SLC25A3: variants seen among roughly 807,000 people sequenced by gnomAD.
SLC25A3 encodes the protein solute carrier family 25 member 3, also known as phosphate transport protein.
Under a neutral mutation model 37.1 loss-of-function variants are expected in SLC25A3, and 14 were observed. That is an observed-to-expected ratio of 0.38 (90% confidence interval 0.25 to 0.59). SLC25A3 has a LOEUF of 0.59. Ranked by LOEUF, SLC25A3 falls within the 20% of genes least tolerant of loss-of-function variation. SLC25A3 has a pLI of 0.67. For missense variants in SLC25A3, 385 were observed against 458.1 expected, an observed-to-expected ratio of 0.84 and a Z score of 1.46; for synonymous variants, 161 against 168.7, an observed-to-expected ratio of 0.95 and a Z score of 0.36.
rs758946085 is a variant in SLC25A3, at chr12:98,598,553, A to G, written c.491A>G (p.Tyr164Cys). Residue 164 changes from tyrosine to cysteine, a missense_variant, in exon 5 of 8, where the codon TAT becomes TGT. By Grantham distance (194) the Tyr-to-Cys change is radical (BLOSUM62 -2). This residue lies in a region of SLC25A3 where 276 missense variants were observed against 367.6 expected (regional missense o/e 0.75). Transcript: ENST00000552981. Reference sequence around the variant, plus strand: ...ACTTATCTCTGGCGCACATCACTATATTTGGCTGCCTCTGCCAGTGCTGAA... The same window carrying G: ...ACTTATCTCTGGCGCACATCACTATGTTTGGCTGCCTCTGCCAGTGCTGAA... ...ENTYLWRTSLYLAASASAEFF... is the reference protein window; with the variant it reads ...ENTYLWRTSLCLAASASAEFF... The G allele has an allele frequency of 3.7e-6, 6 of 1,613,278 alleles. No homozygotes were observed. The highest frequency in any genetic ancestry group is 5.1e-6 in the Non-Finnish European group (6 of 1,180,002).
At chr12:98,595,077 C>T (rs551923563) in intron 2 of SLC25A3, 54 of 275,746 alleles carry the variant, frequency 2.0e-4, no homozygotes, top group Non-Finnish European at 3.6e-4. Flanking sequence ...AAGTTGTTTG[C>T]AAGCCTTTTA....
chr12:98,599,601 T>G lies in SLC25A3; in HGVS notation c.642-354T>G, dbSNP rs983879162. The G allele has an allele frequency of 7.7e-6, 4 of 519,480 alleles. No homozygotes were observed. The African/African-American group carries it at 7.7e-5, about 10-fold the overall frequency. The allele number at this position is 519,480 out of a possible 1,614,324, so 32.2% of individuals were successfully genotyped here. A position where few individuals can be genotyped will look rare whatever the true frequency, so the allele number is the denominator to read the frequency against. ...TAGGGAGGGCTTGTTAGTATCCTTGTGATCTATTCACAGTTAAGAATTTCC... is the reference window on the plus strand; with the variant it reads ...TAGGGAGGGCTTGTTAGTATCCTTGGGATCTATTCACAGTTAAGAATTTCC... On this transcript the variant is annotated intron_variant, in intron 5 of 7. Transcript: ENST00000552981.
chr12:98,601,743 A>C lies in SLC25A3; in HGVS notation c.*215A>C. On this transcript the variant is annotated 3_prime_UTR_variant, in exon 8 of 8. Transcript: ENST00000552981. ...GACTTATTTTTAAAACTTTTTTAAA[A>C]AAGATTTAGCTTTAAAATAGTTGGA... 1 of 557,670 alleles carries C rather than the reference A, an allele frequency of 1.8e-6. No homozygotes were observed. The highest frequency in any genetic ancestry group is 3.2e-6 in the Non-Finnish European group (1 of 314,016). 34.5% of individuals were successfully genotyped at this position (557,670 alleles called of 1,614,324 possible).
At chr12:98,599,747 G>T in intron 5 of SLC25A3, 2 of 730,606 alleles carry the variant, frequency 2.7e-6, no homozygotes, top group Non-Finnish European at 5.0e-6. Flanking sequence ...AACTTTTTTG[G>T]TTGTATAGTC....
At chr12:98,597,712 C>T in intron 3 of SLC25A3, 144 bp from the exon 4 acceptor site, 2 of 1,170,192 alleles carry the variant, frequency 1.7e-6, no homozygotes, top group African/African-American at 3.1e-5. Context: ...ATGTGAGCCA[C>T]CGTGCCTGGC....
At chr12:98,600,241 T>G (rs1008103451) in intron 6 of SLC25A3, 114 bp downstream of exon 6, 23 of 813,620 alleles carry the variant, frequency 2.8e-5, no homozygotes, top group Non-Finnish European at 4.5e-5. Flanking sequence ...GTGTTTTTGT[T>G]TTTTTGGTTT....
chr12:98,596,151 A>G (rs1379692324), intron 3 of SLC25A3, among the ~76,000 whole-genome samples: 1 of 152,168 alleles, frequency 6.6e-6, no homozygotes, highest in Non-Finnish European at 1.5e-5. Flanking sequence ...ACAAGCACCT[A>G]TGTGTTGGAG....
rs1025745125 is a variant in SLC25A3, at chr12:98,602,153, T to C, written c.*625T>C. The stretch of plus-strand genomic sequence containing the variant: ...AAACAATTTTCAGGTACACTAATTC[T>C]CTTTACACAGATCTGACTTTTTTTT... On this transcript the variant is annotated 3_prime_UTR_variant, in exon 8 of 8. Coordinates refer to ENST00000552981, the MANE Select transcript of SLC25A3 (RefSeq NM_002635.4). 1 of 154,110 alleles carries C rather than the reference T, an allele frequency of 6.5e-6. No homozygotes were observed. Among genetic ancestry groups the C allele is most frequent in the African/African-American group, 2.4e-5 (1 of 41,282 alleles). 9.5% of individuals were successfully genotyped at this position (154,110 alleles called of 1,614,324 possible).
rs2097594426 is a variant in SLC25A3 at position 98,598,008 on chromosome 12, A to G, written c.432A>G (p.Lys144=). The G allele has an allele frequency of 6.2e-7, 1 of 1,613,690 alleles. No individual in the cohort carries two copies. The highest frequency in any genetic ancestry group is 8.5e-7 in the Non-Finnish European group (1 of 1,179,596). ...AGTTTGGCTTTTATGAAGTCTTTAA[A>G]GTCTTGTATAGCAATATGCTTGGAG... ...LCKFGFYEVF[K]VLYSNMLGEE... Residue 144 remains lysine, a synonymous_variant, in exon 4 of 8, where the codon AAA becomes AAG. Transcript: ENST00000552981.
rs913917291 is a variant in SLC25A3 at position 98,600,000 on chromosome 12, C to T, written c.687C>T (p.Tyr229=). Residue 229 remains tyrosine (Y), a synonymous_variant, in exon 6 of 8, where the codon TAC becomes TAT. Transcript: ENST00000552981. ...CTCTCTGGATGAGACAGATACCATACACCATGATGAAGTTCGCCTGCTTTG... is the reference window on the plus strand; with the variant it reads ...CTCTCTGGATGAGACAGATACCATATACCATGATGAAGTTCGCCTGCTTTG... ...VAPLWMRQIP[Y]TMMKFACFER... The T allele has an allele frequency of 7.4e-6, 12 of 1,613,852 alleles. No individual in the cohort carries two copies. Among genetic ancestry groups the T allele is most frequent in the Non-Finnish European group, 1.0e-5 (12 of 1,179,702 alleles).
Position 98,597,892 on chromosome 12 carries a change from T to C in SLC25A3, c.316T>C (p.Phe106Leu). 1 of 1,614,108 alleles carries C rather than the reference T, an allele frequency of 6.2e-7. No homozygotes were observed. The highest frequency in any genetic ancestry group is 8.5e-7 in the Non-Finnish European group (1 of 1,179,978). The change falls in exon 4 of 8, where the codon TTC (phenylalanine) becomes CTC (leucine). Residue 106 changes from phenylalanine to leucine, a missense_variant. By Grantham distance (22) the Phe-to-Leu change is conservative. Around this residue, in one of 2 missense-constraint regions of SLC25A3, gnomAD observed 276 missense variants for 367.6 expected, o/e 0.75. Coordinates refer to ENST00000552981, the MANE Select transcript of SLC25A3 (RefSeq NM_002635.4). ...AAAGTACAAGGGCATATTTAACGGATTCTCAGTTACACTTAAAGAGGATGG... is the reference window on the plus strand; with the variant it reads ...AAAGTACAAGGGCATATTTAACGGACTCTCAGTTACACTTAAAGAGGATGG... ...PQKYKGIFNG[F>L]SVTLKEDGVR...
At chr12:98,594,352 C>T (rs1249899173) in intron 2 of SLC25A3, 4 of 702,998 alleles carry the variant, frequency 5.7e-6, no homozygotes, top group Non-Finnish European at 7.8e-6. Flanking sequence ...CGCTGAGGCC[C>T]TGTGTCCCTT....
At position 98,594,010 on chromosome 12, in the gene SLC25A3, C is replaced by A; in HGVS notation, c.32C>A (p.Ala11Glu). 2 of 1,613,832 alleles carry A rather than the reference C, an allele frequency of 1.2e-6. No individual in the cohort carries two copies. Among genetic ancestry groups the A allele is most frequent in the Non-Finnish European group, 1.7e-6 (2 of 1,179,848 alleles). MFSSVAHLAR[A>E]NPFNTPHLQL... is the part of the protein sequence containing the mutation. ...TCGTCCGTGGCGCACCTGGCGCGGG[C>A]GAACCCCTTCAACACGCCACATCTG... Residue 11 changes from alanine to glutamate, a missense_variant, in exon 2 of 8, where the codon GCG (alanine) becomes GAG (glutamate). Physicochemically the swap from Ala to Glu is moderately radical, Grantham distance 107. This residue lies in a region of SLC25A3 where 109 missense variants were observed against 90.5 expected (regional missense o/e 1.20). Transcript: ENST00000552981.
intron 5 of SLC25A3, chr12:98,599,492 G>GT (rs905680243): frequency 0.12 from 36,813 of 305,728 alleles, no homozygotes; most frequent in South Asian, 0.22. Flanking sequence ...CCTGGACTGA[G>GT]TTTTTTTTTT....
intron 6 of SLC25A3, among the ~76,000 whole-genome samples, chr12:98,600,715 T>G (rs186811298): frequency 1.3e-5 from 2 of 152,316 alleles, no homozygotes; most frequent in African/African-American, 2.4e-5. Context: ...CCTGGCCTGA[T>G]TTTTGTAAAG....
In SLC25A3 at chr12:98,605,524, A is replaced by T. The variant is rs528827754; in HGVS notation, c.*3996A>T. ...TATACATTGCTTCTATAGCATCAGA[A>T]ATTGTATATCAGGCCAGGTGCAAAA... On this transcript the variant is annotated 3_prime_UTR_variant, in exon 8 of 8. Coordinates refer to ENST00000552981, the MANE Select transcript of SLC25A3 (RefSeq NM_002635.4). The T allele has an allele frequency of 1.3e-5, 2 of 152,308 alleles. No homozygotes were observed. Among genetic ancestry groups the T allele is most frequent in the South Asian group, 4.1e-4 (2 of 4,828 alleles). The allele number at this position is 152,308 out of a possible 1,614,324, so 9.4% of individuals were successfully genotyped here. A position where few individuals can be genotyped will look rare whatever the true frequency, so the allele number is the denominator to read the frequency against.
At chr12:98,595,674 C>A (rs2097592451) in intron 2 of SLC25A3, 53 bp from the exon 3 acceptor site, 1 of 1,613,920 alleles carries the variant, frequency 6.2e-7, no homozygotes, top group Non-Finnish European at 8.5e-7. Context: ...AAGTTTATGA[C>A]CAGTAACATG....
At chr12:98,593,915 C>G in intron 1 of SLC25A3, 60 bp from the exon 2 acceptor site, 1 of 1,603,452 alleles carries the variant, frequency 6.2e-7, no homozygotes, top group South Asian at 1.1e-5. Flanking sequence ...GGTTCCAGGG[C>G]GCCGGTAACG....
At position 98,604,263 on chromosome 12, in the gene SLC25A3, A is replaced by AAAAAATATATATAT. The variant is rs1302964992; in HGVS notation, c.*2736_*2737insAAAATATATATATA. The AAAAAATATATATAT allele has an allele frequency of 7.4e-6, 1 of 134,590 alleles. No homozygotes were observed. The highest frequency in any genetic ancestry group is 2.9e-5 in the African/African-American group (1 of 34,842). 8.3% of individuals were successfully genotyped at this position (134,590 alleles called of 1,614,324 possible). ...GCGAAACTCTGTCTCAAAAAAAAAAAATATATATATATATATATATATATG... is the reference window on the plus strand; with the variant it reads ...GCGAAACTCTGTCTCAAAAAAAAAAAAAAAATATATATATATATATATATATATATATATATATG... On this transcript the variant is annotated 3_prime_UTR_variant, in exon 8 of 8. Coordinates refer to ENST00000552981, the MANE Select transcript of SLC25A3 (RefSeq NM_002635.4).
Sources: allele counts gnomAD v4.1 joint callset (sites outside exome capture counted in the v4.1 genomes callset), GRCh38; gene constraint gnomAD v4.1.1; regional missense constraint gnomAD v4.1.1; transcripts MANE v1.5; gene names NCBI Gene and HGNC (gene_info 2026-07-23, HGNC 2026-07-21).